The following OPTN variants were observed in gnomAD, a reference collection of about 807,000 sequenced individuals.
The protein encoded by OPTN is E3-14.7K-interacting protein.
OPTN carries 54 observed loss-of-function variants against 70.4 expected under a neutral mutation model. That is an observed-to-expected ratio of 0.77 (90% CI 0.62 to 0.96). The LOEUF (loss-of-function observed/expected upper bound fraction) is 0.96. Among genes scored for constraint, OPTN ranks in the 40% least tolerant of loss-of-function variants. The probability of loss-of-function intolerance (pLI) is 0.00; values close to 1 mark genes in which losing one functional copy is unlikely to be tolerated. For missense variants in OPTN, 624 were observed against 673.2 expected (o/e 0.93, Z 0.81); for synonymous variants, 256 against 248.5 (o/e 1.03, Z -0.28).
chr10:13,104,645 C>T, intron 1 of OPTN: 1 of 689,362 alleles, frequency 1.5e-6, no homozygotes, highest in South Asian at 1.4e-5. Flanking sequence ...GTTCTGTTGC[C>T]CACTAGTCGC....
chr10:13,119,965 T>G (rs1171136737), intron 7 of OPTN, among the ~76,000 whole-genome samples: 5 of 151,328 alleles, frequency 3.3e-5, no homozygotes, highest in Non-Finnish European at 7.4e-5. Flanking sequence ...ATATATGATC[T>G]GCAACTATTT....
chr10:13,127,611 C>T, intron 11 of OPTN, 134 bp from the exon 12 acceptor site: 1 of 920,548 alleles, frequency 1.1e-6, no homozygotes. Flanking sequence ...CCCACCTCAG[C>T]CTCTCAATTC....
chr10:13,129,001 T>C (rs1355557107), intron 12 of OPTN, among the ~76,000 whole-genome samples: 1 of 152,118 alleles, frequency 6.6e-6, no homozygotes, highest in Non-Finnish European at 1.5e-5. Context: ...TTATGATTAG[T>C]ACTTTTTGTG....
chr10:13,118,765 G>C, intron 6 of OPTN, 123 bp from the exon 7 acceptor site: 1 of 854,964 alleles, frequency 1.2e-6, no homozygotes, highest in Non-Finnish European at 2.0e-6. Flanking sequence ...CACTAGTTGA[G>C]AATTAGTTGG....
In OPTN at chr10:13,124,061, C is replaced by G. The variant is rs1387105883; in HGVS notation, c.949C>G (p.His317Asp). 1 of 1,613,848 alleles carries G rather than the reference C, an allele frequency of 6.2e-7. No homozygotes were observed. The highest frequency in any genetic ancestry group is 8.5e-7 in the Non-Finnish European group (1 of 1,179,844). ...TSLFKELQEA[H>D]TKLSEAELMK... ...TCTGTTTAAGGAGCTTCAAGAGGCTCATACAAAACTCAGCGAAGCTGAGCT... is the reference window on the plus strand; with the variant it reads ...TCTGTTTAAGGAGCTTCAAGAGGCTGATACAAAACTCAGCGAAGCTGAGCT... The change falls in exon 9 of 15, where the codon CAT becomes GAT. Residue 317 changes from histidine (H) to aspartate (D), a missense_variant. His to Asp is a moderately conservative substitution (Grantham distance 81). Coordinates refer to ENST00000378747, the MANE Select transcript of OPTN (RefSeq NM_001008212.2).
At chr10:13,116,421 G>A in intron 6 of OPTN, 81 bp downstream of exon 6, 4 of 910,844 alleles carry the variant, frequency 4.4e-6, no homozygotes, top group South Asian at 1.3e-5. Context: ...GAGGTCAAAT[G>A]TTGTGACCTG....
chr10:13,120,737 T>C (rs1324693130), intron 7 of OPTN, among the ~76,000 whole-genome samples: 3 of 152,182 alleles, frequency 2.0e-5, no homozygotes, highest in Non-Finnish European at 4.4e-5. Flanking sequence ...CACAATGTCT[T>C]GAGTACTATA....
At chr10:13,105,254 T>G (rs1251134) in intron 1 of OPTN, among the ~76,000 whole-genome samples, 145,686 of 152,286 alleles carry the variant, frequency 0.96, 70,006 homozygotes, top group East Asian at 1. Flanking sequence ...ATTAGGACAG[T>G]TATAGCTATT....
At chr10:13,131,929 C>A in intron 12 of OPTN, 138 bp from the exon 13 acceptor site, 1 of 796,174 alleles carries the variant, frequency 1.3e-6, no homozygotes, top group Non-Finnish European at 2.1e-6. Flanking sequence ...GGTCATTATA[C>A]TGTTTTCTAG....
chr10:13,124,883 T>C (rs1833425345), intron 9 of OPTN, among the ~76,000 whole-genome samples: 1 of 152,226 alleles, frequency 6.6e-6, no homozygotes. Flanking sequence ...CTATATACAT[T>C]GTGTTAAATG....
intron 12 of OPTN, among the ~76,000 whole-genome samples, chr10:13,130,966 C>T (rs1436163927): frequency 6.6e-6 from 1 of 152,094 alleles, no homozygotes; most frequent in Admixed American, 6.6e-5. Flanking sequence ...GTCACCCAGG[C>T]TGGAGTGCAG....
At chr10:13,104,153 G>A (rs997468507) in intron 1 of OPTN, among the ~76,000 whole-genome samples, 1 of 151,804 alleles carries the variant, frequency 6.6e-6, no homozygotes, top group African/African-American at 2.4e-5. Flanking sequence ...TATTTCATAT[G>A]TGCACTGCAC....
chr10:13,132,964 C>T (rs980798935), intron 13 of OPTN, among the ~76,000 whole-genome samples: 4 of 151,930 alleles, frequency 2.6e-5, no homozygotes, highest in African/African-American at 4.8e-5. Flanking sequence ...TCAAAGTCTC[C>T]TTTGTTCCCC....
chr10:13,129,249 C>T (rs141264952), intron 12 of OPTN, among the ~76,000 whole-genome samples: 1 of 152,014 alleles, frequency 6.6e-6, no homozygotes, highest in Non-Finnish European at 1.5e-5. Context: ...TTCATCATAA[C>T]TTGTGTCCAT....
At chr10:13,130,851 A>G (rs1833580196) in intron 12 of OPTN, among the ~76,000 whole-genome samples, 1 of 152,176 alleles carries the variant, frequency 6.6e-6, no homozygotes, top group Non-Finnish European at 1.5e-5. Flanking sequence ...GACAGCATTA[A>G]ATATTAAAAC....
chr10:13,111,844 G>GTTTTTTTTTTTTTTTTTTT, intron 4 of OPTN, among the ~76,000 whole-genome samples: 1 of 87,730 alleles, frequency 1.1e-5, no homozygotes, highest in Non-Finnish European at 2.1e-5. Flanking sequence ...TTTTTTGACT[G>GTTTTTTTTTTTTTTTTTTT]TTTTTTTTTT....
At chr10:13,133,817 C>CT (rs1282067496) in intron 14 of OPTN, among the ~76,000 whole-genome samples, 86 of 150,954 alleles carry the variant, frequency 5.7e-4, no homozygotes, top group African/African-American at 1.9e-3. Context: ...TCTTTTTTTT[C>CT]TTTTTTTTTG....
intron 12 of OPTN, among the ~76,000 whole-genome samples, chr10:13,128,283 G>T (rs1047410596): frequency 1.3e-5 from 2 of 152,052 alleles, no homozygotes; most frequent in Non-Finnish European, 2.9e-5. Context: ...TTTCCAGAGT[G>T]GTTGGACCAG....
At chr10:13,115,479 AAT>A (rs1391511393) in intron 5 of OPTN, among the ~76,000 whole-genome samples, 1 of 104,592 alleles carries the variant, frequency 9.6e-6, no homozygotes, top group East Asian at 2.7e-4. Flanking sequence ...GAATATATAT[AAT>A]ATATTCTATA....
Sources: gnomAD v4.1 joint callset for allele counts (sites outside exome capture counted in the v4.1 genomes callset) on GRCh38, gnomAD v4.1.1 for gene constraint, MANE v1.5 for transcripts, NCBI Gene and HGNC (gene_info 2026-07-23, HGNC 2026-07-21) for gene names.